The following SIK3 variants were observed in gnomAD, a reference collection of about 807,000 sequenced individuals.
SIK3 encodes the protein serine/threonine-protein kinase SIK3.
In SIK3, 28 loss-of-function variants were observed where a neutral mutation model predicts 144.2. The observed-to-expected ratio is 0.19, with a 90% CI of 0.14 to 0.27. The LOEUF (loss-of-function observed/expected upper bound fraction) is 0.27. Ranked by LOEUF, SIK3 falls within the 10% of genes least tolerant of loss-of-function variation. The pLI is 1.00. For missense variants in SIK3, 1,319 were observed against 1,776.0 expected, an observed-to-expected ratio of 0.74 and a Z score of 4.62; for synonymous variants, 686 against 676.3, an observed-to-expected ratio of 1.01 and a Z score of -0.22.
In SIK3 at chr11:116,857,876, A is replaced by G. The variant is rs765520312; in HGVS notation, c.3589T>C (p.Leu1197=). The change falls in exon 21 of 25, where the codon TTG becomes CTG. Residue 1197 remains leucine (L), a synonymous_variant. Transcript: ENST00000445177. The part of the protein sequence containing the change: ...LLGTVSHAQE[L]GIHPYGHQPT... ...TGATGACCATAGGGATGTATCCCCA[A>G]TTCTTGGGCATGACTCACAGTTCCT... 6.2e-6 allele frequency: 10 copies of G among 1,614,074 alleles called. No homozygotes were observed. The highest frequency in any genetic ancestry group is 7.6e-6 in the Non-Finnish European group (9 of 1,180,052).
chr11:117,053,995 G>T (rs1364511291), intron 1 of SIK3, among the ~76,000 whole-genome samples: 1 of 152,040 alleles, frequency 6.6e-6, no homozygotes. Context: ...ATGCTGCCCA[G>T]GCTGGCCTCA....
At chr11:116,886,524 T>A (rs1450373429) in intron 6 of SIK3, among the ~76,000 whole-genome samples, 1 of 152,192 alleles carries the variant, frequency 6.6e-6, no homozygotes, top group Non-Finnish European at 1.5e-5. Context: ...GGGTTTTGCG[T>A]TCCCAGTAAT....
chr11:117,044,856 C>G lies in SIK3; in HGVS notation c.273+53287G>C, dbSNP rs569645013. On this transcript the variant is annotated intron_variant, in intron 1 of 24. Transcript: ENST00000445177. The stretch of plus-strand genomic sequence containing the variant: ...TAGGATTGCGTCACTGCACTCCAGC[C>G]TGGGCAACAGAGCAAGACCCCCATT... Among the ~76,000 whole-genome samples, 4 of 152,232 alleles carry G rather than the reference C, an allele frequency of 2.6e-5. No individual in the cohort carries two copies. In the South Asian group the frequency reaches 8.3e-4, roughly 32 times the overall value.
intron 1 of SIK3, among the ~76,000 whole-genome samples, chr11:117,059,450 T>G (rs1000188113): frequency 2.0e-5 from 3 of 152,224 alleles, no homozygotes; most frequent in Non-Finnish European, 4.4e-5. Flanking sequence ...CTTCCCTGAA[T>G]AGCCATTCCT....
intron 6 of SIK3, among the ~76,000 whole-genome samples, chr11:116,886,748 T>C (rs1164565188): frequency 8.8e-6 from 1 of 113,622 alleles, no homozygotes; most frequent in Non-Finnish European, 2.4e-5. Context: ...TTTAAGTATG[T>C]TGTTAAAAAA....
intron 1 of SIK3, among the ~76,000 whole-genome samples, chr11:116,989,952 T>C (rs1950446293): frequency 7.6e-6 from 1 of 132,012 alleles, no homozygotes; most frequent in African/African-American, 3.5e-5. Context: ...ACAATTTCTG[T>C]GTCTCAATCT....
chr11:116,893,865 G>A lies in SIK3; in HGVS notation c.865+2388C>T, dbSNP rs184805349. The A allele has an allele frequency of 5.3e-4, 86 of 163,102 alleles. 1 individual carries two copies. The highest frequency in any genetic ancestry group is 6.3e-4 in the Non-Finnish European group (43 of 68,074). The allele number at this position is 163,102 out of a possible 1,614,324, so 10.1% of individuals were successfully genotyped here. A position where few individuals can be genotyped will look rare whatever the true frequency, so the allele number is the denominator to read the frequency against. Reference sequence around the variant, plus strand: ...TTCCTTTTATAGTAAACTGGAAAGAGCGTGTCGTCTATTTTCCTTCTATTC... The same window carrying A: ...TTCCTTTTATAGTAAACTGGAAAGAACGTGTCGTCTATTTTCCTTCTATTC... On this transcript the variant is annotated intron_variant, in intron 6 of 24. Transcript: ENST00000445177.
At chr11:117,012,685 T>C (rs1006744545) in intron 1 of SIK3, among the ~76,000 whole-genome samples, 3 of 152,152 alleles carry the variant, frequency 2.0e-5, no homozygotes, top group African/African-American at 7.2e-5. Flanking sequence ...CTTCTTTGAC[T>C]ACCTCAGTCA....
chr11:116,868,632 C>T (rs1254746397), intron 14 of SIK3, among the ~76,000 whole-genome samples: 1 of 152,186 alleles, frequency 6.6e-6, no homozygotes. Context: ...CTTTCCCTCT[C>T]GCTTGGTGAC....
At chr11:116,848,466 T>G (rs946671394) in intron 22 of SIK3, among the ~76,000 whole-genome samples, 9 of 152,198 alleles carry the variant, frequency 5.9e-5, no homozygotes, top group African/African-American at 1.9e-4. Context: ...GCTACTAGAC[T>G]AGCACCACCC....
intron 1 of SIK3, among the ~76,000 whole-genome samples, chr11:116,964,830 C>T (rs931263585): frequency 3.3e-5 from 5 of 151,514 alleles, no homozygotes; most frequent in East Asian, 1.9e-4. Flanking sequence ...TGCAGTGAGC[C>T]GAGATGGCGC....
intron 21 of SIK3, among the ~76,000 whole-genome samples, chr11:116,853,757 GT>G (rs1449216255): frequency 2.0e-5 from 3 of 152,360 alleles, no homozygotes; most frequent in Non-Finnish European, 4.4e-5. Context: ...GTGAGTTCCA[GT>G]TGGTAATCTC....
intron 6 of SIK3, among the ~76,000 whole-genome samples, chr11:116,892,113 G>A (rs75158858): frequency 0.086 from 13,163 of 152,178 alleles, 724 homozygotes; most frequent in South Asian, 0.15. Context: ...TGGATATGTC[G>A]CCCTAGATCG....
intron 1 of SIK3, among the ~76,000 whole-genome samples, chr11:116,964,885 AAATAAT>A (rs60005446): frequency 2.0e-5 from 3 of 150,860 alleles, no homozygotes; most frequent in African/African-American, 2.5e-5. Context: ...TCCATCTCAA[AAATAAT>A]AATAATAATA....
At chr11:117,064,731 T>C (rs1591638353) in intron 1 of SIK3, among the ~76,000 whole-genome samples, 1 of 152,228 alleles carries the variant, frequency 6.6e-6, no homozygotes, top group Non-Finnish European at 1.5e-5. Flanking sequence ...AGTAGCTAAA[T>C]GGCTTACAAA....
At chr11:117,012,828 T>G (rs10790170) in intron 1 of SIK3, among the ~76,000 whole-genome samples, 63,668 of 127,678 alleles carry the variant, frequency 0.5, 17,432 homozygotes, top group Non-Finnish European at 0.66. Context: ...ATTCTTAGGG[T>G]TTTTTTTTTT....
At chr11:117,038,789 C>G (rs1170544923) in intron 1 of SIK3, among the ~76,000 whole-genome samples, 1 of 152,126 alleles carries the variant, frequency 6.6e-6, no homozygotes, top group African/African-American at 2.4e-5. Flanking sequence ...GTGGCTCATG[C>G]CTGTAATCCC....
chr11:117,035,711 T>C, intron 1 of SIK3: 1 of 937,214 alleles, frequency 1.1e-6, no homozygotes, highest in Non-Finnish European at 1.7e-6. Flanking sequence ...CATGCCACCA[T>C]GCCCGGCTAA....
intron 1 of SIK3, among the ~76,000 whole-genome samples, chr11:117,079,238 A>G (rs926721866): frequency 1.3e-5 from 2 of 152,234 alleles, no homozygotes; most frequent in South Asian, 2.1e-4. Flanking sequence ...AAAGCTGTAC[A>G]GTATCAAAGC....
Sources: gnomAD v4.1 joint callset for allele counts (sites outside exome capture counted in the v4.1 genomes callset) on GRCh38, gnomAD v4.1.1 for gene constraint, MANE v1.5 for transcripts, NCBI Gene and HGNC (gene_info 2026-07-23, HGNC 2026-07-21) for gene names.